SGMS1: variants seen among roughly 807,000 people sequenced by gnomAD.
The protein encoded by SGMS1 is phosphatidylcholine:ceramide cholinephosphotransferase 1.
SGMS1 carries 13 observed loss-of-function variants against 46.2 expected under a neutral mutation model. That is an observed-to-expected ratio of 0.28 (90% CI 0.18 to 0.45). The LOEUF is 0.45. SGMS1 is among the 20% of genes least tolerant of loss of function. SGMS1 has a pLI of 1.00. For missense variants in SGMS1, 324 were observed against 519.9 expected (o/e 0.62, Z 3.66); for synonymous variants, 203 against 187.8 (o/e 1.08, Z -0.66).
intron 3 of SGMS1, among the ~76,000 whole-genome samples, chr10:50,508,787 C>T (rs1246650062): frequency 2.6e-5 from 4 of 152,194 alleles, no homozygotes; most frequent in Admixed American, 2.0e-4. Context: ...GGCTTTCTGT[C>T]TTCCACACTA....
chr10:50,454,355 A>G (rs931808444), intron 5 of SGMS1, among the ~76,000 whole-genome samples: 2 of 152,230 alleles, frequency 1.3e-5, no homozygotes, highest in Non-Finnish European at 2.9e-5. Flanking sequence ...GACCAGATGC[A>G]GAGATATCAA....
intron 5 of SGMS1, among the ~76,000 whole-genome samples, chr10:50,457,314 T>C (rs1837204216): frequency 6.6e-6 from 1 of 152,258 alleles, no homozygotes; most frequent in Non-Finnish European, 1.5e-5. Context: ...TCAATGGCTA[T>C]ATCTAAGTGG....
chr10:50,344,315 T>A lies in SGMS1; in HGVS notation c.-201A>T. ...GGGTTCCTGAGCGCCCAAGTATTAA[T>A]TCACCTCATTTTTGAGCAGGATTCT... On this transcript the variant is annotated 5_prime_UTR_variant, in exon 7 of 11. Transcript: ENST00000361781. 1 of 535,490 alleles carries A rather than the reference T, an allele frequency of 1.9e-6. No homozygotes were observed. The highest frequency in any genetic ancestry group is 3.2e-6 in the Non-Finnish European group (1 of 314,110). The allele number at this position is 535,490 out of a possible 1,614,324, so 33.2% of individuals were successfully genotyped here.
chr10:50,462,102 A>G (rs1837272840), intron 4 of SGMS1, among the ~76,000 whole-genome samples: 1 of 151,758 alleles, frequency 6.6e-6, no homozygotes, highest in South Asian at 2.1e-4. Context: ...TATCTACAAA[A>G]AGAAAAAAAA....
intron 2 of SGMS1, among the ~76,000 whole-genome samples, chr10:50,559,699 G>A (rs538629175): frequency 1.3e-5 from 2 of 152,302 alleles, no homozygotes; most frequent in African/African-American, 4.8e-5. Flanking sequence ...GAGGAATAAA[G>A]AAGAATCTCA....
intron 5 of SGMS1, among the ~76,000 whole-genome samples, chr10:50,445,841 C>T (rs1275871212): frequency 6.6e-6 from 1 of 152,148 alleles, no homozygotes; most frequent in Middle Eastern, 3.2e-3. Context: ...CCATATTTCT[C>T]TTCTTTCAAA....
chr10:50,332,979 C>G (rs2133330076), intron 7 of SGMS1, among the ~76,000 whole-genome samples: 1 of 152,290 alleles, frequency 6.6e-6, no homozygotes, highest in African/African-American at 2.4e-5. Flanking sequence ...TTTTGCCTGT[C>G]AATTTCTTTC....
In SGMS1 at chr10:50,549,360, C is replaced by T. The variant is rs959053257; in HGVS notation, c.-588-29439G>A. Reference sequence around the variant, plus strand: ...TATACACCATGGAATACTACGAAGCCATAAAAAGGAATGAGATCATGCCCT... The same window carrying T: ...TATACACCATGGAATACTACGAAGCTATAAAAAGGAATGAGATCATGCCCT... On this transcript the variant is annotated intron_variant, in intron 2 of 10. Coordinates refer to ENST00000361781, the MANE Select transcript of SGMS1 (RefSeq NM_147156.4). 3.3e-5 allele frequency among the ~76,000 whole-genome samples: 5 copies of T among 152,270 alleles called. No homozygotes were observed. The East Asian group carries it at 9.6e-4, about 29-fold the overall frequency.
chr10:50,608,434 C>CTAG (rs1430720688), intron 1 of SGMS1, among the ~76,000 whole-genome samples: 1 of 152,142 alleles, frequency 6.6e-6, no homozygotes, highest in Non-Finnish European at 1.5e-5. Context: ...GGCTAAAAGG[C>CTAG]TAGTGCAGAG....
intron 6 of SGMS1, among the ~76,000 whole-genome samples, chr10:50,380,546 A>G (rs1333657688): frequency 6.6e-6 from 1 of 152,046 alleles, no homozygotes; most frequent in Non-Finnish European, 1.5e-5. Flanking sequence ...CAGGTCCTCA[A>G]GTTCCTCCTC....
At chr10:50,445,640 T>G (rs1837002436) in intron 5 of SGMS1, among the ~76,000 whole-genome samples, 1 of 152,208 alleles carries the variant, frequency 6.6e-6, no homozygotes, top group Admixed American at 6.5e-5. Context: ...TTTAATCTCT[T>G]AATCCCGTCA....
chr10:50,379,981 A>C (rs980623830), intron 6 of SGMS1, among the ~76,000 whole-genome samples: 36 of 152,348 alleles, frequency 2.4e-4, no homozygotes, highest in African/African-American at 8.4e-4. Context: ...TTATTCAGAA[A>C]GACTCACCCA....
intron 6 of SGMS1, among the ~76,000 whole-genome samples, chr10:50,402,859 T>C (rs1848961164): frequency 1.3e-5 from 2 of 152,102 alleles, no homozygotes; most frequent in South Asian, 2.1e-4. Context: ...CTGTACCCCA[T>C]AGGTAGTTTT....
At chr10:50,388,145 T>A (rs1436431999) in intron 6 of SGMS1, among the ~76,000 whole-genome samples, 2 of 152,176 alleles carry the variant, frequency 1.3e-5, no homozygotes, top group Non-Finnish European at 2.9e-5. Context: ...AATAAAAACA[T>A]ACAATATCAC....
chr10:50,367,035 A>G (rs1262800422), intron 6 of SGMS1, among the ~76,000 whole-genome samples: 2 of 152,214 alleles, frequency 1.3e-5, no homozygotes, highest in Non-Finnish European at 2.9e-5. Flanking sequence ...TATGAAAAAA[A>G]GCTCAACATC....
At chr10:50,584,343 C>CA (rs1221872034) in intron 2 of SGMS1, among the ~76,000 whole-genome samples, 1 of 151,740 alleles carries the variant, frequency 6.6e-6, no homozygotes, top group Non-Finnish European at 1.5e-5. Context: ...ACTAAAAATA[C>CA]AAAAAATTAG....
chr10:50,560,621 A>C (rs1393432042), intron 2 of SGMS1, among the ~76,000 whole-genome samples: 1 of 147,510 alleles, frequency 6.8e-6, no homozygotes, highest in Non-Finnish European at 1.5e-5. Context: ...CAATATATGT[A>C]ATATAGTATA....
chr10:50,607,343 G>A (rs1175551034), intron 1 of SGMS1, among the ~76,000 whole-genome samples: 2 of 152,052 alleles, frequency 1.3e-5, no homozygotes, highest in Admixed American at 6.6e-5. Context: ...ATATTAAAGA[G>A]CATGCTTACT....
At chr10:50,316,004 A>T (rs1484551597) in intron 8 of SGMS1, among the ~76,000 whole-genome samples, 1 of 152,238 alleles carries the variant, frequency 6.6e-6, no homozygotes, top group Non-Finnish European at 1.5e-5. Flanking sequence ...AGAACCAGTG[A>T]GCCTTTGGTT....
Sources: allele counts gnomAD v4.1 joint callset (sites outside exome capture counted in the v4.1 genomes callset), GRCh38; gene constraint gnomAD v4.1.1; transcripts MANE v1.5; gene names NCBI Gene and HGNC (gene_info 2026-07-23, HGNC 2026-07-21).